STXBP5L: variants seen among roughly 807,000 people sequenced by gnomAD.
STXBP5L encodes syntaxin binding protein 5L, also known as syntaxin-binding protein 5-like.
STXBP5L carries 65 observed loss-of-function variants against 144.5 expected under a neutral mutation model. The observed-to-expected ratio is 0.45, with a 90% confidence interval of 0.37 to 0.55. The LOEUF is 0.55. Among genes scored for constraint, STXBP5L ranks in the 20% least tolerant of loss-of-function variants. The pLI is 0.00. For missense variants in STXBP5L, 1,298 were observed against 1,405.5 expected (o/e 0.92, Z 1.22); for synonymous variants, 505 against 469.6 (o/e 1.08, Z -0.97).
intron 9 of STXBP5L, among the ~76,000 whole-genome samples, chr3:121,169,394 CA>C (rs2046622085): frequency 6.6e-6 from 1 of 152,206 alleles, no homozygotes; most frequent in African/African-American, 2.4e-5. Context: ...CACAGACTGG[CA>C]AATTGGATAA....
At chr3:121,003,867 A>G (rs1944009495) in intron 3 of STXBP5L, among the ~76,000 whole-genome samples, 1 of 152,172 alleles carries the variant, frequency 6.6e-6, no homozygotes, top group African/African-American at 2.4e-5. Context: ...GGTTGAAGAT[A>G]TATGGCATTA....
At position 121,201,840 on chromosome 3, in the gene STXBP5L, C is replaced by A. The variant is rs150717912; in HGVS notation, c.878-4083C>A. On this transcript the variant is annotated intron_variant, in intron 9 of 26. Coordinates refer to ENST00000471454, the MANE Select transcript of STXBP5L (RefSeq NM_001308330.2). ...TTTCTTTAAGAATGTTGAATATTGGCCCCCTCCTGGGTTCAAGGGATTCTC... is the reference window on the plus strand; with the variant it reads ...TTTCTTTAAGAATGTTGAATATTGGACCCCTCCTGGGTTCAAGGGATTCTC... 2.5e-3 allele frequency among the ~76,000 whole-genome samples: 380 copies of A among 152,228 alleles called. 2 individuals carry two copies. The highest frequency in any genetic ancestry group is 3.9e-3 in the Non-Finnish European group (262 of 68,008).
intron 3 of STXBP5L, among the ~76,000 whole-genome samples, chr3:120,978,325 A>T (rs938166963): frequency 1.3e-5 from 2 of 152,042 alleles, no homozygotes; most frequent in African/African-American, 4.8e-5. Context: ...CCTTTCTTCC[A>T]GTTGTTCGCA....
intron 2 of STXBP5L, among the ~76,000 whole-genome samples, chr3:120,950,383 T>C (rs1711133056): frequency 6.6e-6 from 1 of 152,116 alleles, no homozygotes; most frequent in Non-Finnish European, 1.5e-5. Context: ...TCTATATGTC[T>C]ATCCTTATGC....
At chr3:121,208,901 C>T (rs146062536) in intron 10 of STXBP5L, among the ~76,000 whole-genome samples, 142 of 152,114 alleles carry the variant, frequency 9.3e-4, no homozygotes, top group Middle Eastern at 3.4e-3. Flanking sequence ...TAATGCTATC[C>T]CTCCCCTAGC....
At chr3:120,979,372 T>A (rs183834339) in intron 3 of STXBP5L, among the ~76,000 whole-genome samples, 1 of 152,336 alleles carries the variant, frequency 6.6e-6, no homozygotes, top group African/African-American at 2.4e-5. Context: ...TATAATCTTC[T>A]GGTGCACCGT....
At chr3:121,000,539 G>A (rs1943687412) in intron 3 of STXBP5L, among the ~76,000 whole-genome samples, 1 of 152,060 alleles carries the variant, frequency 6.6e-6, no homozygotes, top group Admixed American at 6.6e-5. Context: ...GATTTCTTTT[G>A]TATTGAATTT....
At chr3:121,400,199 C>T (rs1379898999) in intron 22 of STXBP5L, among the ~76,000 whole-genome samples, 3 of 152,214 alleles carry the variant, frequency 2.0e-5, no homozygotes, top group Admixed American at 6.5e-5. Context: ...GAAGCCTCTG[C>T]TCATGAGCAG....
intron 3 of STXBP5L, among the ~76,000 whole-genome samples, chr3:121,036,704 A>G (rs1321446715): frequency 1.3e-5 from 2 of 151,430 alleles, no homozygotes; most frequent in African/African-American, 4.8e-5. Flanking sequence ...ACTTTGTCAA[A>G]TGCTTTTTCT....
chr3:121,025,668 T>A (rs1945874125), intron 3 of STXBP5L, among the ~76,000 whole-genome samples: 1 of 151,702 alleles, frequency 6.6e-6, no homozygotes, highest in Admixed American at 6.6e-5. Context: ...ATTCCAATAG[T>A]TTCTGTAAAC....
intron 9 of STXBP5L, among the ~76,000 whole-genome samples, chr3:121,194,178 T>C (rs1221503199): frequency 1.3e-5 from 2 of 152,106 alleles, no homozygotes; most frequent in South Asian, 4.1e-4. Context: ...CTATTACCAG[T>C]TACTCCCCTT....
At chr3:121,268,290 C>A (rs141066805) in intron 18 of STXBP5L, among the ~76,000 whole-genome samples, 1 of 152,182 alleles carries the variant, frequency 6.6e-6, no homozygotes, top group Non-Finnish European at 1.5e-5. Flanking sequence ...CCATTCTCAG[C>A]AAACTAACAC....
intron 21 of STXBP5L, 58 bp downstream of exon 21, chr3:121,378,944 T>G: frequency 2.6e-6 from 4 of 1,533,934 alleles, no homozygotes; most frequent in Non-Finnish European, 3.6e-6. Context: ...ACAATGGTAA[T>G]GGGAACAGAG....
chr3:120,973,991 G>A (rs528949218), intron 3 of STXBP5L, among the ~76,000 whole-genome samples: 16 of 152,136 alleles, frequency 1.1e-4, no homozygotes, highest in East Asian at 3.9e-4. Context: ...GAATAGTGCC[G>A]CAATAAACAT....
At chr3:121,266,911 G>A (rs1329360824) in intron 18 of STXBP5L, among the ~76,000 whole-genome samples, 1 of 152,156 alleles carries the variant, frequency 6.6e-6, no homozygotes, top group African/African-American at 2.4e-5. Flanking sequence ...TAGAAGGGAT[G>A]TGAAGGACCT....
At chr3:121,305,954 C>T (rs1490335045) in intron 19 of STXBP5L, among the ~76,000 whole-genome samples, 1 of 151,968 alleles carries the variant, frequency 6.6e-6, no homozygotes, top group Admixed American at 6.6e-5. Context: ...CAGTAGACAA[C>T]AATTAATTAT....
intron 3 of STXBP5L, among the ~76,000 whole-genome samples, chr3:120,997,205 G>A (rs1384681643): frequency 6.6e-6 from 1 of 152,120 alleles, no homozygotes; most frequent in African/African-American, 2.4e-5. Flanking sequence ...TAGACATTTA[G>A]GTTGATTCCA....
intron 2 of STXBP5L, among the ~76,000 whole-genome samples, chr3:120,940,159 C>T (rs1294304783): frequency 6.6e-6 from 1 of 151,780 alleles, no homozygotes; most frequent in East Asian, 1.9e-4. Flanking sequence ...AGTTTGATAG[C>T]TATATAGACA....
intron 6 of STXBP5L, among the ~76,000 whole-genome samples, chr3:121,117,318 A>T (rs2044275059): frequency 6.6e-6 from 1 of 151,876 alleles, no homozygotes; most frequent in African/African-American, 2.4e-5. Flanking sequence ...ATGTTCTTGA[A>T]ATATCTCTGA....
Sources: allele counts gnomAD v4.1 joint callset (sites outside exome capture counted in the v4.1 genomes callset), GRCh38; gene constraint gnomAD v4.1.1; transcripts MANE v1.5; gene names NCBI Gene and HGNC (gene_info 2026-07-23, HGNC 2026-07-21).